Variants in APTX observed in about 807,000 individuals in gnomAD.
APTX encodes the protein aprataxin, also known as forkhead-associated domain histidine triad-like protein.
Under a neutral mutation model 42.3 loss-of-function variants are expected in APTX, and 33 were observed. The ratio of observed to expected loss-of-function variants is 0.78; its 90% CI spans 0.59 to 1.04. The LOEUF is 1.04. Ranked by LOEUF, APTX falls within the 50% of genes least tolerant of loss-of-function variation. APTX has a pLI of 0.00. For synonymous variants in APTX, 130 were observed against 146.7 expected, an observed-to-expected ratio of 0.89 and a Z score of 0.82; for missense variants, 421 against 415.1, an observed-to-expected ratio of 1.01 and a Z score of -0.12.
chr9:33,002,673 C>CA (rs1170308369), upstream of APTX, among the ~76,000 whole-genome samples: 2 of 152,198 alleles, frequency 1.3e-5, no homozygotes, highest in Non-Finnish European at 2.9e-5. Context: ...TCTTCCACTG[C>CA]AAAACCCCGT....
At chr9:32,981,271 G>A (rs1324240737) in intron 6 of APTX, among the ~76,000 whole-genome samples, 2 of 152,192 alleles carry the variant, frequency 1.3e-5, no homozygotes, top group African/African-American at 4.8e-5. Flanking sequence ...TGAGAGCCAG[G>A]TTTCTCACTG....
At chr9:33,001,663 C>T (rs890049430), upstream of APTX, 5 of 1,604,638 alleles carry the variant, frequency 3.1e-6, no homozygotes, top group Non-Finnish European at 4.3e-6. Flanking sequence ...GTATCGCGAC[C>T]AGTGACGTCA....
chr9:32,983,889 T>C (rs1026981829), intron 6 of APTX, among the ~76,000 whole-genome samples: 1 of 152,096 alleles, frequency 6.6e-6, no homozygotes, highest in African/African-American at 2.4e-5. Flanking sequence ...GTACAGAGTT[T>C]CAATTTGGGA....
chr9:32,996,173 C>T (rs932766142), intron 1 of APTX, among the ~76,000 whole-genome samples: 4 of 152,154 alleles, frequency 2.6e-5, no homozygotes, highest in African/African-American at 9.6e-5. Context: ...TGCATATGTT[C>T]ACTTTATTGC....
chr9:33,009,802 T>TAAAGA (rs749676888), intron 1 of APTX, among the ~76,000 whole-genome samples: 1 of 150,542 alleles, frequency 6.6e-6, no homozygotes, highest in South Asian at 2.1e-4. Context: ...AAAATAATAA[T>TAAAGA]AAAGAAAAGA....
At chr9:33,019,092 TTA>T (rs1261529947) in intron 1 of APTX, among the ~76,000 whole-genome samples, 13 of 152,332 alleles carry the variant, frequency 8.5e-5, no homozygotes, top group African/African-American at 2.9e-4. Context: ...CGTTGATTCA[TTA>T]GTTGTGGGAA....
chr9:33,019,924 C>G (rs755328075), intron 1 of APTX: 9 of 506,824 alleles, frequency 1.8e-5, no homozygotes, highest in Non-Finnish European at 2.9e-5. Context: ...CTAAGGGGGT[C>G]GGGAAAGGCA....
chr9:33,016,096 C>A (rs1021277270), intron 1 of APTX: 6 of 152,134 alleles, frequency 3.9e-5, no homozygotes, highest in African/African-American at 1.4e-4. Context: ...GACCAAGAGT[C>A]TGAGATTTTG....
At position 32,984,460 on chromosome 9, in the gene APTX, C is replaced by T. The variant is rs190903144; in HGVS notation, c.770+171G>A. ...TATAGGCAGAAGTGGGAACTCAAAGCTTGCATGCAAGTCAGGCAGAGAGGT... is the reference window on the plus strand; with the variant it reads ...TATAGGCAGAAGTGGGAACTCAAAGTTTGCATGCAAGTCAGGCAGAGAGGT... On this transcript the variant is annotated intron_variant, in intron 6 of 7. Coordinates refer to ENST00000379817, the MANE Select transcript of APTX (RefSeq NM_001195248.2). Among the ~76,000 whole-genome samples the T allele has an allele frequency of 2.0e-5, 3 of 152,280 alleles. No homozygotes were observed. The East Asian group carries it at 5.8e-4, about 29-fold the overall frequency.
rs949065637 is a variant in APTX, at chr9:33,020,598, T to C, written c.-5+4425A>G. Among the ~76,000 whole-genome samples the C allele has an allele frequency of 3.3e-5, 5 of 152,206 alleles. No homozygotes were observed. The East Asian group carries it at 9.6e-4, about 29-fold the overall frequency. ...AATATGGCAACGTTTGTAGAGTGTT[T>C]AGCGCAGTGCCTGGCAGGTCCTCAC... On this transcript the variant is annotated intron_variant, in intron 1 of 6. Coordinates refer to the APTX transcript ENST00000436040.
intron 2 of APTX, chr9:32,989,514 T>A: frequency 1.6e-6 from 1 of 634,292 alleles, no homozygotes; most frequent in East Asian, 3.2e-5. Flanking sequence ...AATTCCACCA[T>A]CCCATGGTAA....
chr9:33,001,563 T>C lies in APTX; in HGVS notation c.-5+4A>G. 1 of 1,613,880 alleles carries C rather than the reference T, an allele frequency of 6.2e-7. No homozygotes were observed. The highest frequency in any genetic ancestry group is 8.5e-7 in the Non-Finnish European group (1 of 1,180,018). The stretch of plus-strand genomic sequence containing the variant: ...CAGAAGAGATAGGCTGACGACCGCC[T>C]TACCTCCAGAAGTCGGAGACGGACA... On this transcript the variant is annotated splice_donor_region_variant and intron_variant, in intron 1 of 7. Transcript: ENST00000379817.
At chr9:33,019,615 G>A in intron 1 of APTX, 1 of 385,354 alleles carries the variant, frequency 2.6e-6, no homozygotes, top group Non-Finnish European at 4.8e-6. Flanking sequence ...AGTAGCAACT[G>A]TGGGAATTCC....
chr9:33,008,891 A>G (rs1837344669), intron 1 of APTX, among the ~76,000 whole-genome samples: 1 of 152,196 alleles, frequency 6.6e-6, no homozygotes, highest in Admixed American at 6.5e-5. Context: ...ATTCTTGGTA[A>G]TCATACCTGT....
chr9:32,987,213 G>C (rs1405788416), intron 4 of APTX, among the ~76,000 whole-genome samples: 1 of 152,128 alleles, frequency 6.6e-6, no homozygotes, highest in Admixed American at 6.6e-5. Context: ...GCTACAGCCT[G>C]ACCAATTCTC....
At chr9:32,978,109 C>T (rs542537937) in intron 6 of APTX, among the ~76,000 whole-genome samples, 7 of 152,148 alleles carry the variant, frequency 4.6e-5, no homozygotes, top group African/African-American at 1.4e-4. Context: ...TGCAAAGATA[C>T]GGGGAAAACT....
At chr9:33,000,838 T>C (rs1196385069) in intron 1 of APTX, among the ~76,000 whole-genome samples, 2 of 129,436 alleles carry the variant, frequency 1.5e-5, no homozygotes, top group East Asian at 2.1e-4. Context: ...AGGCTTTTTT[T>C]TTTTTTCTTT....
chr9:32,980,699 A>G (rs1830489091), intron 6 of APTX, among the ~76,000 whole-genome samples: 1 of 152,272 alleles, frequency 6.6e-6, no homozygotes, highest in Non-Finnish European at 1.5e-5. Context: ...GTAGCAGCTG[A>G]GATGTCAACA....
chr9:33,007,549 A>G (rs755892309), intron 1 of APTX, among the ~76,000 whole-genome samples: 9 of 152,190 alleles, frequency 5.9e-5, no homozygotes, highest in Non-Finnish European at 1.3e-4. Flanking sequence ...ACTGGACAAG[A>G]CAAAACATAC....
Sources: allele counts gnomAD v4.1 joint callset (sites outside exome capture counted in the v4.1 genomes callset), GRCh38; gene constraint gnomAD v4.1.1; transcripts MANE v1.5; gene names NCBI Gene and HGNC (gene_info 2026-07-23, HGNC 2026-07-21).